Variants in CDC42SE2 observed in about 807,000 individuals in gnomAD.
The protein encoded by CDC42SE2 is CDC42 small effector protein 2.
CDC42SE2 carries 3 observed loss-of-function variants against 11.5 expected under a neutral mutation model. The observed-to-expected ratio is 0.26, with a 90% CI of 0.12 to 0.67. The LOEUF (loss-of-function observed/expected upper bound fraction) is 0.67. CDC42SE2 is among the 30% of genes least tolerant of loss of function. CDC42SE2 has a pLI of 0.80. For synonymous variants in CDC42SE2, 33 were observed against 34.8 expected (o/e 0.95, Z 0.18); for missense variants, 82 against 106.8 (o/e 0.77, Z 1.02).
At chr5:131,234,031 A>T in the CDC42SE2 span, among the ~76,000 whole-genome samples, 294 of 152,240 alleles carry the variant, frequency 1.9e-3, 1 homozygote, top group Non-Finnish European at 3.0e-3. Flanking sequence ...GAAATCTGGC[A>T]CTAGATTATT....
intron 1 of CDC42SE2, among the ~76,000 whole-genome samples, chr5:131,266,526 C>T (rs1756870085): frequency 7.1e-6 from 1 of 140,966 alleles, no homozygotes; most frequent in Non-Finnish European, 1.5e-5. Context: ...GCGGTGTGAT[C>T]TCGGCTTACT....
At position 131,250,094 on chromosome 5, in the gene CDC42SE2, A is replaced by G. The variant is rs75211980; in HGVS notation, n.107+4495A>G. On this transcript the variant is annotated intron_variant and non_coding_transcript_variant, in intron 1 of 3. Coordinates refer to the CDC42SE2 transcript ENST00000502840. ...ATCACTCCAAATTGAATATTCATAT[A>G]CCCTATGAGTCAACAATTCTACTGT... Among the ~76,000 whole-genome samples the G allele has an allele frequency of 3.3e-5, 5 of 152,338 alleles. No homozygotes were observed. The East Asian group carries it at 9.6e-4, about 29-fold the overall frequency.
At chr5:131,228,024 T>C in the CDC42SE2 span, among the ~76,000 whole-genome samples, 1 of 152,184 alleles carries the variant, frequency 6.6e-6, no homozygotes, top group Non-Finnish European at 1.5e-5. Flanking sequence ...GTAGAGACCT[T>C]GGCGAAACTC....
chr5:131,376,371 A>G (rs957824201), intron 3 of CDC42SE2, among the ~76,000 whole-genome samples: 17 of 152,344 alleles, frequency 1.1e-4, no homozygotes, highest in Non-Finnish European at 2.2e-4. Flanking sequence ...AAAATGTCAT[A>G]TACTGCTATA....
chr5:131,306,110 C>T (rs1040676473), intron 1 of CDC42SE2, among the ~76,000 whole-genome samples: 6 of 152,132 alleles, frequency 3.9e-5, no homozygotes, highest in African/African-American at 1.2e-4. Context: ...ACAATTCTTA[C>T]GTTTTAAATT....
intron 2 of CDC42SE2, among the ~76,000 whole-genome samples, chr5:131,331,137 T>C (rs1758412343): frequency 6.6e-6 from 1 of 152,210 alleles, no homozygotes; most frequent in Non-Finnish European, 1.5e-5. Flanking sequence ...AAACTTTGAT[T>C]CAGAGAGGCT....
intron 2 of CDC42SE2, among the ~76,000 whole-genome samples, chr5:131,337,567 G>T (rs1343789338): frequency 6.6e-6 from 1 of 152,250 alleles, no homozygotes; most frequent in African/African-American, 2.4e-5. Context: ...GCCCCCAGAG[G>T]TGGAGTCTAC....
chr5:131,326,782 A>G (rs191239020), intron 2 of CDC42SE2, among the ~76,000 whole-genome samples: 3 of 151,722 alleles, frequency 2.0e-5, no homozygotes, highest in Non-Finnish European at 1.5e-5. Context: ...ATTTTTTATT[A>G]TGTTTATTTT....
At chr5:131,350,342 A>C (rs1435156508) in intron 2 of CDC42SE2, among the ~76,000 whole-genome samples, 2 of 150,746 alleles carry the variant, frequency 1.3e-5, no homozygotes, top group African/African-American at 4.9e-5. Flanking sequence ...ATAAAAATAC[A>C]AAAAAAAAGA....
chr5:131,253,481 C>G (rs996420360), intron 1 of CDC42SE2, among the ~76,000 whole-genome samples: 3 of 152,134 alleles, frequency 2.0e-5, no homozygotes, highest in African/African-American at 7.2e-5. Flanking sequence ...GAACTTCTTA[C>G]AGGCCTGGCA....
At chr5:131,259,519 CCT>C (rs1278547214), upstream of CDC42SE2, among the ~76,000 whole-genome samples, 2 of 151,336 alleles carry the variant, frequency 1.3e-5, no homozygotes, top group Non-Finnish European at 2.9e-5. Flanking sequence ...CTCTGCCTTT[CCT>C]CTTTCTTTTG....
At chr5:131,381,286 C>G (rs1404398502) in intron 3 of CDC42SE2, among the ~76,000 whole-genome samples, 1 of 151,906 alleles carries the variant, frequency 6.6e-6, no homozygotes, top group Non-Finnish European at 1.5e-5. Flanking sequence ...CTCACTGTTA[C>G]CAAATCCAGC....
intron 2 of CDC42SE2, among the ~76,000 whole-genome samples, chr5:131,333,054 C>G: frequency 6.6e-6 from 1 of 152,190 alleles, no homozygotes; most frequent in Admixed American, 6.5e-5. Flanking sequence ...GTGCCTATAC[C>G]TGAATGGTAT....
chr5:131,272,815 A>G (rs1041451405), intron 1 of CDC42SE2, among the ~76,000 whole-genome samples: 2 of 152,044 alleles, frequency 1.3e-5, no homozygotes, highest in African/African-American at 4.8e-5. Context: ...TTTCTCTTTC[A>G]TTCTACCATA....
At chr5:131,300,651 C>T (rs555463689) in intron 1 of CDC42SE2, among the ~76,000 whole-genome samples, 12 of 152,032 alleles carry the variant, frequency 7.9e-5, no homozygotes, top group South Asian at 6.2e-4. Flanking sequence ...GGCGTGGTGG[C>T]GGGTGCCTGT....
In CDC42SE2 at chr5:131,359,514, T is replaced by G; in HGVS notation, c.21T>G (p.Cys7Trp). 1 of 1,613,492 alleles carries G rather than the reference T, an allele frequency of 6.2e-7. No individual in the cohort carries two copies. Among genetic ancestry groups the G allele is most frequent in the Non-Finnish European group, 8.5e-7 (1 of 1,179,414 alleles). MSEFWL[C>W]FNCCIAEQPQ... ...TAAGCATGAGTGAATTCTGGTTGTG[T>G]TTCAACTGCTGTATTGCAGAACAGC... Residue 7 changes from cysteine to tryptophan, a missense_variant, in exon 3 of 5, where the codon TGT becomes TGG. Physicochemically the swap from Cys to Trp is radical, Grantham distance 215. Transcript: ENST00000505065.
intron 1 of CDC42SE2, among the ~76,000 whole-genome samples, chr5:131,272,597 A>G (rs530228693): frequency 1.3e-5 from 2 of 151,904 alleles, no homozygotes; most frequent in East Asian, 3.9e-4. Context: ...TATTCATCTC[A>G]TTCTCCTGCA....
chr5:131,249,142 C>T (rs769282747), intron 1 of CDC42SE2, among the ~76,000 whole-genome samples: 2 of 151,566 alleles, frequency 1.3e-5, no homozygotes, highest in Non-Finnish European at 2.9e-5. Flanking sequence ...CTCAGCCTCC[C>T]GAGTAGCTGG....
chr5:131,339,821 AAAGAGAG>A (rs1758668597), intron 2 of CDC42SE2, among the ~76,000 whole-genome samples: 1 of 150,288 alleles, frequency 6.7e-6, no homozygotes, highest in Non-Finnish European at 1.5e-5. Context: ...AAAAAAAAAA[AAAGAGAG>A]AGAAAATTAT....
Sources: allele counts gnomAD v4.1 joint callset (sites outside exome capture counted in the v4.1 genomes callset), GRCh38; gene constraint gnomAD v4.1.1; transcripts MANE v1.5; gene names NCBI Gene and HGNC (gene_info 2026-07-23, HGNC 2026-07-21).